The following RYR2 variants were observed in gnomAD, a reference collection of about 807,000 sequenced individuals.
RYR2 encodes the protein cardiac muscle ryanodine receptor-calcium release channel.
Under a neutral mutation model 601.1 loss-of-function variants are expected in RYR2, and 227 were observed. The ratio of observed to expected loss-of-function variants is 0.38; its 90% confidence interval spans 0.34 to 0.42. The LOEUF is 0.42. Ranked by LOEUF, RYR2 falls within the 10% of genes least tolerant of loss-of-function variation. The pLI is 1.00. For missense variants in RYR2, 4,646 were observed against 6,156.5 expected, an observed-to-expected ratio of 0.75 and a Z score of 8.21; for synonymous variants, 2,223 against 2,175.1, an observed-to-expected ratio of 1.02 and a Z score of -0.61.
At chr1:237,150,839 T>C (rs766688191) in intron 1 of RYR2, among the ~76,000 whole-genome samples, 3 of 152,142 alleles carry the variant, frequency 2.0e-5, no homozygotes, top group Admixed American at 6.5e-5. Context: ...AAAGCTTTAA[T>C]TTTGCTTTTG....
intron 94 of RYR2, 122 bp downstream of exon 94, chr1:237,792,445 G>A (rs979366330): frequency 1.3e-5 from 8 of 623,328 alleles, no homozygotes; most frequent in African/African-American, 1.1e-4. Context: ...GGACTTCTGG[G>A]GAAGCAGATT....
chr1:237,725,542 T>C (rs767691890), intron 74 of RYR2, among the ~76,000 whole-genome samples: 5 of 152,100 alleles, frequency 3.3e-5, no homozygotes, highest in South Asian at 2.1e-4. Context: ...CTTATGAGAG[T>C]AGGTTATCTC....
rs141542862 is a variant in RYR2 at position 237,395,566 on chromosome 1, A to G, written c.773+7383A>G. Among the ~76,000 whole-genome samples, 267 of 44,312 alleles carry G rather than the reference A, an allele frequency of 6.0e-3. 3 individuals are homozygous for G. The highest frequency in any genetic ancestry group is 0.022 in the African/African-American group (260 of 11,712). The allele number at this position is 44,312 out of a possible 152,430, so 29.1% of individuals were successfully genotyped here. On this transcript the variant is annotated intron_variant, in intron 10 of 104. Transcript: ENST00000366574. The stretch of plus-strand genomic sequence containing the variant: ...TTTTTTTTTTTTTTTTTTTTTTTTG[A>G]GACAGAGTCTCGCTTTGTTCCCCAG...
At chr1:237,088,466 T>C (rs1033939777) in intron 1 of RYR2, among the ~76,000 whole-genome samples, 3 of 152,196 alleles carry the variant, frequency 2.0e-5, no homozygotes, top group Non-Finnish European at 4.4e-5. Context: ...CTCCTGGAAG[T>C]TGTGTACTGG....
chr1:237,614,964 T>C lies in RYR2; in HGVS notation c.5715+121T>C. The stretch of plus-strand genomic sequence containing the variant: ...TCTTTGCATTCCTGTGTAATGGTAG[T>C]TCTTCATAAAATTAACTAACTTCCT... On this transcript the variant is annotated intron_variant, in intron 37 of 104. Coordinates refer to ENST00000366574, the MANE Select transcript of RYR2 (RefSeq NM_001035.3). This position sits in a 1 kb window ranked among gnomAD's most constrained non-coding sequence, Gnocchi z 4.3. 2 of 1,021,404 alleles carry C rather than the reference T, an allele frequency of 2.0e-6. No individual in the cohort carries two copies. Among genetic ancestry groups the C allele is most frequent in the South Asian group, 2.0e-5 (1 of 49,906 alleles). 63.3% of individuals were successfully genotyped at this position (1,021,404 alleles called of 1,614,324 possible).
chr1:237,125,525 A>G (rs2485572), intron 1 of RYR2, among the ~76,000 whole-genome samples: 135,108 of 152,200 alleles, frequency 0.89, 60,381 homozygotes, highest in South Asian at 0.98. Context: ...TTACTATTAT[A>G]AGGATGCCTT....
chr1:237,739,547 C>A (rs1691433089), intron 79 of RYR2, among the ~76,000 whole-genome samples: 1 of 152,156 alleles, frequency 6.6e-6, no homozygotes, highest in Admixed American at 6.5e-5. Context: ...TTTGAGTTTC[C>A]AGCTAAGGGA....
At chr1:237,402,136 A>G (rs1393891847) in intron 10 of RYR2, among the ~76,000 whole-genome samples, 1 of 152,134 alleles carries the variant, frequency 6.6e-6, no homozygotes, top group East Asian at 1.9e-4. Flanking sequence ...CAGTGTTTCT[A>G]TAATCTCAAC....
intron 8 of RYR2, among the ~76,000 whole-genome samples, chr1:237,383,994 A>T (rs1446046106): frequency 2.0e-5 from 3 of 152,270 alleles, no homozygotes; most frequent in South Asian, 4.1e-4. Flanking sequence ...CAGTTTCAGT[A>T]ACTGAAACTG....
At chr1:237,226,220 A>G (rs1684350789) in intron 1 of RYR2, among the ~76,000 whole-genome samples, 1 of 152,182 alleles carries the variant, frequency 6.6e-6, no homozygotes, top group Admixed American at 6.5e-5. Context: ...TGTTAGAAAT[A>G]TAGTTGGATT....
At chr1:237,257,288 T>C (rs1558509045) in intron 1 of RYR2, among the ~76,000 whole-genome samples, 23 of 152,176 alleles carry the variant, frequency 1.5e-4, no homozygotes. Flanking sequence ...ATCTGTAGGG[T>C]AACCATAATA....
intron 80 of RYR2, among the ~76,000 whole-genome samples, chr1:237,748,283 C>T (rs867636548): frequency 1.4e-4 from 21 of 152,092 alleles, no homozygotes; most frequent in Non-Finnish European, 2.8e-4. Flanking sequence ...ATATGCATTA[C>T]AGAACAGAAC....
chr1:237,655,937 A>G lies in RYR2; in HGVS notation c.8082A>G (p.Ser2694=). 1.2e-6 allele frequency: 2 copies of G among 1,613,478 alleles called. No individual in the cohort carries two copies. Among genetic ancestry groups the G allele is most frequent in the Non-Finnish European group, 8.5e-7 (1 of 1,179,678 alleles). The change falls in exon 53 of 105, where the codon TCA becomes TCG. Residue 2694 remains serine (S), a synonymous_variant. Transcript: ENST00000366574. ...NYVSMMEKQS[S]MDSEGNFNPQ... ...TCAGTATGATGGAAAAACAGTCATC[A>G]ATGGATTCTGAAGGGAACTTTAACC... is the stretch of plus-strand genomic sequence containing the variant.
chr1:237,056,650 G>C (rs768120739), intron 1 of RYR2, among the ~76,000 whole-genome samples: 4,847 of 28,474 alleles, frequency 0.17, 81 homozygotes, highest in East Asian at 0.26. Flanking sequence ...GAGTACTGCA[G>C]CTATGAGGAC....
At chr1:237,434,433 T>A (rs1165071981) in intron 12 of RYR2, among the ~76,000 whole-genome samples, 2 of 152,240 alleles carry the variant, frequency 1.3e-5, no homozygotes, top group Non-Finnish European at 2.9e-5. Flanking sequence ...AAGGAAAATA[T>A]CTTACATAAC....
chr1:237,782,984 T>A (rs755495768), intron 89 of RYR2, among the ~76,000 whole-genome samples: 2 of 152,202 alleles, frequency 1.3e-5, no homozygotes, highest in Non-Finnish European at 2.9e-5. Flanking sequence ...CCTGCCTGTC[T>A]TTATGATATA....
At chr1:237,210,388 G>T (rs947807322) in intron 1 of RYR2, among the ~76,000 whole-genome samples, 21 of 151,946 alleles carry the variant, frequency 1.4e-4, no homozygotes, top group African/African-American at 5.1e-4. Context: ...ACAAAGGTCT[G>T]TTTTTTTTCT....
rs542592992 is a variant in RYR2, at chr1:237,437,767, T to C, written c.1006-3552T>C. Among the ~76,000 whole-genome samples, 27 of 152,188 alleles carry C rather than the reference T, an allele frequency of 1.8e-4. No individual in the cohort carries two copies. The South Asian group carries it at 5.6e-3, about 32-fold the overall frequency. On this transcript the variant is annotated intron_variant, in intron 12 of 104. Coordinates refer to ENST00000366574, the MANE Select transcript of RYR2 (RefSeq NM_001035.3). ...TAATTCTAGACTGTGCTGAAAAGAG[T>C]CATTTTATCTTTGAGTATTTTTATA...
At chr1:237,319,950 G>A (rs1364649295) in intron 2 of RYR2, among the ~76,000 whole-genome samples, 2 of 152,138 alleles carry the variant, frequency 1.3e-5, no homozygotes, top group African/African-American at 4.8e-5. Context: ...AGTTCCCTTT[G>A]ACAAGGTGGC....
Sources: allele counts gnomAD v4.1 joint callset (sites outside exome capture counted in the v4.1 genomes callset), GRCh38; gene constraint gnomAD v4.1.1; non-coding constraint Gnocchi (gnomAD v3.1); transcripts MANE v1.5; gene names NCBI Gene and HGNC (gene_info 2026-07-23, HGNC 2026-07-21).